DMXL2: variants seen among roughly 807,000 people sequenced by gnomAD.
The protein encoded by DMXL2 is Dmx like 2.
Under a neutral mutation model 331.1 loss-of-function variants are expected in DMXL2, and 103 were observed. The observed-to-expected ratio is 0.31, with a 90% CI of 0.27 to 0.37. The LOEUF (loss-of-function observed/expected upper bound fraction) is 0.37, where lower values mean the gene tolerates loss of function less well. Among genes scored for constraint, DMXL2 ranks in the 10% least tolerant of loss-of-function variants. DMXL2 has a pLI of 1.00. For synonymous variants in DMXL2, 1,281 were observed against 1,252.1 expected, an observed-to-expected ratio of 1.02 and a Z score of -0.49; for missense variants, 3,171 against 3,642.9, an observed-to-expected ratio of 0.87 and a Z score of 3.33.
chr15:51,537,900 G>A (rs956330786), intron 10 of DMXL2, 141 bp from the exon 11 acceptor site: 3 of 1,071,952 alleles, frequency 2.8e-6, no homozygotes, highest in African/African-American at 3.2e-5. Flanking sequence ...GGAAACTTTT[G>A]TCTGAATTGA....
chr15:51,546,515 G>A (rs1355891067), intron 7 of DMXL2, among the ~76,000 whole-genome samples: 1 of 151,918 alleles, frequency 6.6e-6, no homozygotes, highest in Non-Finnish European at 1.5e-5. Context: ...ATATTTAGTA[G>A]GTAAAATAAC....
chr15:51,519,522 T>C (rs1054899276), intron 13 of DMXL2, among the ~76,000 whole-genome samples: 1 of 152,084 alleles, frequency 6.6e-6, no homozygotes, highest in Non-Finnish European at 1.5e-5. Flanking sequence ...AATTTATTTA[T>C]ACCAGAAATT....
chr15:51,541,535 T>C (rs1311044975), intron 9 of DMXL2, among the ~76,000 whole-genome samples: 1 of 152,130 alleles, frequency 6.6e-6, no homozygotes, highest in Non-Finnish European at 1.5e-5. Context: ...AAACAGCACA[T>C]ATCTAGAGTT....
chr15:51,540,576 G>A (rs1021598873), intron 9 of DMXL2, among the ~76,000 whole-genome samples: 7 of 151,696 alleles, frequency 4.6e-5, no homozygotes, highest in East Asian at 1.9e-4. Context: ...GGTAAATCTC[G>A]GTAAGTGGTA....
intron 15 of DMXL2, among the ~76,000 whole-genome samples, chr15:51,512,038 T>G (rs1023141553): frequency 1.3e-5 from 2 of 151,526 alleles, no homozygotes; most frequent in Non-Finnish European, 2.9e-5. Flanking sequence ...CCAGGGCCTG[T>G]TGGGGGGTGG....
intron 6 of DMXL2, among the ~76,000 whole-genome samples, chr15:51,550,531 AT>A (rs35996261): frequency 6.6e-6 from 1 of 152,152 alleles, no homozygotes; most frequent in Non-Finnish European, 1.5e-5. Flanking sequence ...ACTCTTAGCA[AT>A]TTTAAAATAT....
intron 6 of DMXL2, among the ~76,000 whole-genome samples, chr15:51,553,569 C>T (rs1288395943): frequency 1.3e-5 from 2 of 152,168 alleles, no homozygotes; most frequent in South Asian, 2.1e-4. Context: ...CGTGAATTTT[C>T]TTCTGCCTCT....
intron 16 of DMXL2, among the ~76,000 whole-genome samples, chr15:51,506,744 C>T (rs1042296417): frequency 4.6e-5 from 7 of 152,114 alleles, no homozygotes; most frequent in Admixed American, 1.3e-4. Flanking sequence ...TGAGCCACCG[C>T]GCCCAGCCAA....
At chr15:51,474,211 C>T (rs2041371734) in intron 28 of DMXL2, 133 bp downstream of exon 28, 2 of 734,786 alleles carry the variant, frequency 2.7e-6, no homozygotes, top group Middle Eastern at 4.1e-4. Context: ...TAATTATTTG[C>T]TGTCATAACA....
At position 51,487,999 on chromosome 15, in the gene DMXL2, C is replaced by T. The variant is rs149896393; in HGVS notation, c.5172G>A (p.Ser1724=). ...SLLGKQRFEQ[S]AAFFLLAGSL... The stretch of plus-strand genomic sequence containing the variant: ...AACCAGCTAGCAAGAAAAAAGCAGC[C>T]GATTGTTCAAAGCGTTGTTTTCCAA... The change falls in exon 22 of 44, where the codon TCG becomes TCA. Residue 1724 remains serine, a synonymous_variant. Coordinates refer to ENST00000560891, the MANE Select transcript of DMXL2 (RefSeq NM_001378457.1). The T allele has an allele frequency of 2.5e-5, 41 of 1,612,230 alleles. No individual in the cohort carries two copies. Among genetic ancestry groups the T allele is most frequent in the African/African-American group, 6.7e-5 (5 of 74,808 alleles).
chr15:51,575,489 T>C (rs1335157935), intron 2 of DMXL2, among the ~76,000 whole-genome samples: 1 of 152,148 alleles, frequency 6.6e-6, no homozygotes, highest in Non-Finnish European at 1.5e-5. Context: ...AAATTTGATG[T>C]ACATTATGTT....
intron 19 of DMXL2, among the ~76,000 whole-genome samples, chr15:51,494,235 A>T (rs1160276677): frequency 1.3e-5 from 2 of 152,224 alleles, no homozygotes; most frequent in Non-Finnish European, 2.9e-5. Context: ...AATCTCAGAT[A>T]GCTATTTATA....
At chr15:51,620,232 G>C (rs575286085) in intron 1 of DMXL2, among the ~76,000 whole-genome samples, 1 of 152,028 alleles carries the variant, frequency 6.6e-6, no homozygotes, top group African/African-American at 2.4e-5. Context: ...TCTAGTTCAT[G>C]GCAAAATTAA....
chr15:51,506,678 C>A (rs961371597), intron 16 of DMXL2, among the ~76,000 whole-genome samples: 2 of 152,070 alleles, frequency 1.3e-5, no homozygotes, highest in Admixed American at 1.3e-4. Flanking sequence ...TGGTCTCGAT[C>A]TCCTGACCTC....
chr15:51,585,933 G>A (rs1021938644), intron 1 of DMXL2, among the ~76,000 whole-genome samples: 2 of 151,960 alleles, frequency 1.3e-5, no homozygotes, highest in Non-Finnish European at 2.9e-5. Flanking sequence ...ACAAGGCACC[G>A]CCAACTCCAA....
chr15:51,556,895 G>A (rs2049631113), intron 6 of DMXL2, among the ~76,000 whole-genome samples: 1 of 151,696 alleles, frequency 6.6e-6, no homozygotes, highest in Non-Finnish European at 1.5e-5. Flanking sequence ...TTCTTTATCT[G>A]AAAAAAAAGT....
Position 51,480,698 on chromosome 15 carries a change from G to T in DMXL2, c.6408C>A (p.Ala2136=), listed in dbSNP as rs78376092. 28,477 of 1,611,314 alleles carry T rather than the reference G, an allele frequency of 0.018. 458 individuals carry two copies. Among genetic ancestry groups the T allele is most frequent in the East Asian group, 0.068 (3,066 of 44,818 alleles). Residue 2136 remains alanine (A), a synonymous_variant, in exon 24 of 44, where the codon GCC becomes GCA. Transcript: ENST00000560891. ...RHQIERRRLQ[A]KREHAERRKS... The stretch of plus-strand genomic sequence containing the variant: ...TTCGTCTTTCTGCATGCTCTCGTTT[G>T]GCCTGCAATCTTCTTCTTTCTATTT...
chr15:51,576,599 T>C (rs993411576), intron 1 of DMXL2, among the ~76,000 whole-genome samples: 4 of 152,158 alleles, frequency 2.6e-5, no homozygotes, highest in Non-Finnish European at 2.9e-5. Context: ...AATATCAAGA[T>C]AGAAATCAGG....
At chr15:51,564,562 C>T (rs977113039) in intron 4 of DMXL2, among the ~76,000 whole-genome samples, 2 of 151,772 alleles carry the variant, frequency 1.3e-5, no homozygotes, top group African/African-American at 4.8e-5. Context: ...AACAAAGTCC[C>T]CAAAACTCTG....
Sources: allele counts gnomAD v4.1 joint callset (sites outside exome capture counted in the v4.1 genomes callset), GRCh38; gene constraint gnomAD v4.1.1; transcripts MANE v1.5; gene names NCBI Gene and HGNC (gene_info 2026-07-23, HGNC 2026-07-21).